The following DPP10 variants were observed in gnomAD, a reference collection of about 807,000 sequenced individuals.
DPP10 encodes dipeptidyl peptidase like 10.
A neutral mutation model predicts 120.9 loss-of-function variants in DPP10; 33 were observed. The observed-to-expected ratio is 0.27, with a 90% confidence interval of 0.21 to 0.37. DPP10 has a LOEUF of 0.37. Among genes scored for constraint, DPP10 ranks in the 10% least tolerant of loss-of-function variants. DPP10 has a pLI of 1.00. For synonymous variants in DPP10, 337 were observed against 326.1 expected (o/e 1.03, Z -0.36); for missense variants, 816 against 942.8 (o/e 0.87, Z 1.76).
chr2:114,711,727 A>C (rs1298394192), intron 1 of DPP10, among the ~76,000 whole-genome samples: 1 of 152,140 alleles, frequency 6.6e-6, no homozygotes, highest in Non-Finnish European at 1.5e-5. Context: ...GGATAAGTGA[A>C]CAAGTCTAAG....
chr2:114,596,837 T>C (rs1378973989), intron 1 of DPP10, among the ~76,000 whole-genome samples: 6 of 152,078 alleles, frequency 3.9e-5, no homozygotes, highest in African/African-American at 1.4e-4. Flanking sequence ...TCCACTCTGC[T>C]GTTGTTACAT....
chr2:114,673,718 A>T (rs1698493312), intron 1 of DPP10, among the ~76,000 whole-genome samples: 1 of 152,136 alleles, frequency 6.6e-6, no homozygotes, highest in Non-Finnish European at 1.5e-5. Context: ...GGCCTCCCAA[A>T]GTGCTGGAAT....
intron 1 of DPP10, among the ~76,000 whole-genome samples, chr2:115,179,693 ACTC>A (rs1178816952): frequency 3.3e-5 from 5 of 152,120 alleles, no homozygotes; most frequent in Non-Finnish European, 7.4e-5. Flanking sequence ...TGTGTCCTTA[ACTC>A]CTCATATATT....
intron 1 of DPP10, among the ~76,000 whole-genome samples, chr2:115,163,983 T>C (rs1383597773): frequency 1.3e-5 from 2 of 152,226 alleles, no homozygotes; most frequent in Non-Finnish European, 2.9e-5. Flanking sequence ...TCCATTTTTC[T>C]TGTTAGTGTG....
At chr2:115,452,128 T>A (rs2073159286) in intron 3 of DPP10, among the ~76,000 whole-genome samples, 1 of 151,666 alleles carries the variant, frequency 6.6e-6, no homozygotes, top group African/African-American at 2.4e-5. Context: ...TTCTCATTAC[T>A]CTTCTTCTTC....
At chr2:115,536,184 G>T (rs1043655979) in intron 5 of DPP10, among the ~76,000 whole-genome samples, 7 of 151,916 alleles carry the variant, frequency 4.6e-5, no homozygotes, top group Non-Finnish European at 1.0e-4. Context: ...CACTGTTAAT[G>T]TACTGGTTTA....
intron 1 of DPP10, among the ~76,000 whole-genome samples, chr2:114,923,456 C>T (rs1178644151): frequency 6.9e-6 from 1 of 144,028 alleles, no homozygotes; most frequent in Non-Finnish European, 1.5e-5. Context: ...TGAGCCACCA[C>T]GCTTGGCCTT....
chr2:114,944,274 T>C (rs1256335293), intron 1 of DPP10, among the ~76,000 whole-genome samples: 1 of 152,156 alleles, frequency 6.6e-6, no homozygotes, highest in Non-Finnish European at 1.5e-5. Flanking sequence ...AATAATATGA[T>C]TCATTATTAC....
At chr2:114,550,287 T>C (rs2104865935) in intron 1 of DPP10, among the ~76,000 whole-genome samples, 1 of 152,344 alleles carries the variant, frequency 6.6e-6, no homozygotes. Context: ...TTAACTGGCT[T>C]TTAAGACTCC....
intron 3 of DPP10, among the ~76,000 whole-genome samples, chr2:115,384,588 A>G (rs1167218752): frequency 6.7e-6 from 1 of 149,544 alleles, no homozygotes; most frequent in East Asian, 2.0e-4. Context: ...AAGAGGAGGA[A>G]AAGGAAGAAG....
intron 1 of DPP10, among the ~76,000 whole-genome samples, chr2:114,726,619 T>C (rs1413028144): frequency 6.6e-6 from 1 of 152,226 alleles, no homozygotes; most frequent in East Asian, 1.9e-4. Context: ...TTTCTCTAAA[T>C]GATCTTTTAT....
At chr2:115,483,457 A>G (rs1432749636) in intron 3 of DPP10, among the ~76,000 whole-genome samples, 1 of 85,574 alleles carries the variant, frequency 1.2e-5, no homozygotes, top group African/African-American at 4.3e-5. Flanking sequence ...CTATCTATCT[A>G]TCTATCTATC....
intron 1 of DPP10, among the ~76,000 whole-genome samples, chr2:114,997,918 A>G (rs887857494): frequency 2.6e-5 from 4 of 152,236 alleles, no homozygotes; most frequent in African/African-American, 7.2e-5. Flanking sequence ...TATGTTTCCT[A>G]TACACTTAAT....
At chr2:114,801,135 C>T (rs1251636018) in intron 1 of DPP10, among the ~76,000 whole-genome samples, 6 of 151,264 alleles carry the variant, frequency 4.0e-5, no homozygotes, top group Non-Finnish European at 7.4e-5. Flanking sequence ...TGGTGGAGGG[C>T]GCCTGTAGTC....
At chr2:115,239,007 G>A (rs1452386266) in intron 1 of DPP10, among the ~76,000 whole-genome samples, 34 of 152,100 alleles carry the variant, frequency 2.2e-4, no homozygotes, top group Non-Finnish European at 1.9e-4. Context: ...GAAAGATGTA[G>A]GCTGGGAGGC....
chr2:115,309,166 T>C, intron 1 of DPP10, 73 bp from the exon 2 acceptor site: 1 of 1,187,582 alleles, frequency 8.4e-7, no homozygotes, highest in Non-Finnish European at 1.2e-6. Context: ...TGCCATGCAC[T>C]GAATCATTCC....
Position 114,772,054 on chromosome 2 carries a change from T to C in DPP10, c.60+329216T>C, listed in dbSNP as rs535213657. On this transcript the variant is annotated intron_variant, in intron 1 of 25. Coordinates refer to ENST00000410059, the MANE Select transcript of DPP10 (RefSeq NM_020868.6). ...CACAGTTATTTTATTATAATGGGAT[T>C]ACCCTAATAGTCTTTGCTAAAAGAG... Among the ~76,000 whole-genome samples, 9 of 152,156 alleles carry C rather than the reference T, an allele frequency of 5.9e-5. 1 individual carries two copies. The South Asian group carries it at 1.9e-3, about 32-fold the overall frequency.
chr2:114,650,091 G>A (rs893795899), intron 1 of DPP10, among the ~76,000 whole-genome samples: 1 of 152,140 alleles, frequency 6.6e-6, no homozygotes, highest in Admixed American at 6.5e-5. Context: ...TTCATCGTCT[G>A]ATGTTTTGGG....
intron 1 of DPP10, among the ~76,000 whole-genome samples, chr2:115,054,483 G>T (rs1168616169): frequency 6.6e-6 from 1 of 152,126 alleles, no homozygotes; most frequent in Admixed American, 6.5e-5. Context: ...GAAAAAAAGT[G>T]CACTGTTGGG....
Sources: allele counts gnomAD v4.1 joint callset (sites outside exome capture counted in the v4.1 genomes callset), GRCh38; gene constraint gnomAD v4.1.1; transcripts MANE v1.5; gene names NCBI Gene and HGNC (gene_info 2026-07-23, HGNC 2026-07-21).